The following PFKP variants were observed in gnomAD, a reference collection of about 807,000 sequenced individuals.
PFKP encodes ATP-dependent 6-phosphofructokinase, platelet type.
A neutral mutation model predicts 94.3 loss-of-function variants in PFKP; 101 were observed. The ratio of observed to expected loss-of-function variants is 1.07; its 90% confidence interval spans 0.91 to 1.26. The LOEUF (loss-of-function observed/expected upper bound fraction) is 1.26. PFKP is among the 50% of genes most tolerant of loss of function. The probability of loss-of-function intolerance (pLI) is 0.00; values close to 1 mark genes in which losing one functional copy is unlikely to be tolerated. For missense variants in PFKP, 1,145 were observed against 1,103.3 expected, an observed-to-expected ratio of 1.04 and a Z score of -0.53; for synonymous variants, 573 against 432.6, an observed-to-expected ratio of 1.32 and a Z score of -4.03.
rs78602520 is a variant in PFKP at position 3,123,592 on chromosome 10, C to G, written c.1683+3548C>G. On this transcript the variant is annotated intron_variant, in intron 16 of 21. Coordinates refer to ENST00000381125, the MANE Select transcript of PFKP (RefSeq NM_002627.5). ...GTCACCCACACCGTCTGGCTTCCAG[C>G]GAGCGCTTCTCGGAGAAACAGCCGG... Among the ~76,000 whole-genome samples the G allele has an allele frequency of 3.3e-3, 503 of 152,284 alleles. 2 individuals carry two copies. The highest frequency in any genetic ancestry group is 0.012 in the African/African-American group (484 of 41,550).
chr10:3,122,134 G>C (rs1837495712), intron 16 of PFKP, among the ~76,000 whole-genome samples: 1 of 152,150 alleles, frequency 6.6e-6, no homozygotes, highest in East Asian at 1.9e-4. Context: ...GAAGTTAACT[G>C]ATTACAATGT....
intron 2 of PFKP, among the ~76,000 whole-genome samples, chr10:3,085,820 G>GGAGAGTCCTCCA (rs1564277205): frequency 4.5e-4 from 1 of 2,212 alleles, no homozygotes; most frequent in Non-Finnish European, 1.3e-3. Flanking sequence ...ACAGTCCTCC[G>GGAGAGTCCTCCA]CCCCCTCCCC....
intron 16 of PFKP, among the ~76,000 whole-genome samples, chr10:3,128,308 C>T (rs1490899749): frequency 2.0e-5 from 3 of 152,124 alleles, no homozygotes; most frequent in Non-Finnish European, 2.9e-5. Flanking sequence ...GGAGAGACAC[C>T]GGGATAATTT....
chr10:3,079,952 G>A (rs991521778), intron 1 of PFKP, among the ~76,000 whole-genome samples: 1 of 152,022 alleles, frequency 6.6e-6, no homozygotes, highest in Non-Finnish European at 1.5e-5. Context: ...GAATCAGGTG[G>A]GAGGCTCTGT....
chr10:3,087,306 G>T (rs976776620), intron 2 of PFKP, among the ~76,000 whole-genome samples: 1 of 152,094 alleles, frequency 6.6e-6, no homozygotes, highest in East Asian at 1.9e-4. Context: ...TGTTCTCTCT[G>T]TCTCAGCTGG....
At chr10:3,113,289 G>A (rs1425587966) in intron 12 of PFKP, 83 bp from the exon 13 acceptor site, 20 of 1,572,398 alleles carry the variant, frequency 1.3e-5, no homozygotes, top group Middle Eastern at 1.7e-4. Flanking sequence ...GGCCTGGCAC[G>A]GCATGAGCCA....
intron 19 of PFKP, 150 bp from the exon 20 acceptor site, chr10:3,134,333 A>T: frequency 1.7e-6 from 1 of 597,852 alleles, no homozygotes; most frequent in Non-Finnish European, 3.0e-6. Flanking sequence ...GGCCAAGTTC[A>T]GGCTACGGGA....
intron 16 of PFKP, among the ~76,000 whole-genome samples, chr10:3,121,197 G>T (rs1264965155): frequency 5.9e-5 from 9 of 152,180 alleles, no homozygotes; most frequent in Admixed American, 5.9e-4. Flanking sequence ...GTGTTCACTG[G>T]CTTTGGGGGC....
chr10:3,102,683 C>T (rs189973559), intron 4 of PFKP, among the ~76,000 whole-genome samples: 7 of 152,340 alleles, frequency 4.6e-5, no homozygotes, highest in African/African-American at 9.6e-5. Flanking sequence ...CCACCCGCTT[C>T]GGCCTCCCAA....
intron 16 of PFKP, among the ~76,000 whole-genome samples, chr10:3,125,586 G>A (rs928276717): frequency 6.6e-6 from 1 of 150,398 alleles, no homozygotes; most frequent in African/African-American, 2.5e-5. Context: ...GTGGGAGCCT[G>A]CAGGAAGGGG....
chr10:3,132,718 C>G (rs1273148596), intron 18 of PFKP, among the ~76,000 whole-genome samples: 1 of 152,188 alleles, frequency 6.6e-6, no homozygotes. Flanking sequence ...GAAGGAAATA[C>G]AGTCATCCCT....
intron 4 of PFKP, among the ~76,000 whole-genome samples, chr10:3,102,324 T>C (rs1280992482): frequency 2.0e-5 from 3 of 147,690 alleles, no homozygotes; most frequent in Non-Finnish European, 4.5e-5. Flanking sequence ...TCTCTGCCAA[T>C]ACATCATCCA....
At position 3,116,165 on chromosome 10, in the gene PFKP, A is replaced by G. The variant is rs143283868; in HGVS notation, c.1372-611A>G. Among the ~76,000 whole-genome samples the G allele has an allele frequency of 4.5e-3, 686 of 152,072 alleles. 6 individuals are homozygous for G. The highest frequency in any genetic ancestry group is 0.015 in the African/African-American group (628 of 41,450). On this transcript the variant is annotated intron_variant, in intron 13 of 21. Transcript: ENST00000381125. The stretch of plus-strand genomic sequence containing the variant: ...ATATATATACATACACACCTTGTAC[A>G]GTATTTACCTTTTGATGTAGAATGA...
chr10:3,117,215 G>C (rs2131625881), intron 14 of PFKP, among the ~76,000 whole-genome samples: 1 of 152,324 alleles, frequency 6.6e-6, no homozygotes, highest in South Asian at 2.1e-4. Context: ...CTGGATAGCA[G>C]GTAGCATTGG....
chr10:3,079,722 T>C (rs921758336), intron 1 of PFKP, among the ~76,000 whole-genome samples: 4 of 145,040 alleles, frequency 2.8e-5, no homozygotes, highest in Admixed American at 7.2e-5. Context: ...GTTGTGCTCC[T>C]GCATCACCTG....
At chr10:3,100,056 GGT>G (rs55739223) in intron 3 of PFKP, among the ~76,000 whole-genome samples, 4,409 of 137,572 alleles carry the variant, frequency 0.032, 130 homozygotes, top group East Asian at 0.14. Flanking sequence ...GTAGGTGTGT[GGT>G]GTGTGTGTGT....
intron 3 of PFKP, chr10:3,100,867 A>AAAAAAAAAAAAT: frequency 2.1e-6 from 1 of 470,714 alleles, no homozygotes. Context: ...TGGTGCAAAA[A>AAAAAAAAAAAAT]AAAAAAAAAA....
chr10:3,136,766 T>G lies in PFKP; in HGVS notation c.*187T>G. On this transcript the variant is annotated 3_prime_UTR_variant, in exon 22 of 22. Transcript: ENST00000381125. ...TGTCTCATGCTTTCAGATGTGCATA[T>G]GAGCAGAATTAATTAAACATTTGCC... is the stretch of plus-strand genomic sequence containing the variant. The G allele has an allele frequency of 1.9e-6, 1 of 531,040 alleles. No homozygotes were observed. 32.9% of individuals were successfully genotyped at this position (531,040 alleles called of 1,614,324 possible). A position where few individuals can be genotyped will look rare whatever the true frequency, so the allele number is the denominator to read the frequency against.
At chr10:3,133,005 G>A (rs978402085) in intron 18 of PFKP, among the ~76,000 whole-genome samples, 198 bp from the exon 19 acceptor site, 2 of 152,206 alleles carry the variant, frequency 1.3e-5, no homozygotes, top group African/African-American at 4.8e-5. Context: ...TTTAATATTT[G>A]TGGGCCTCAG....
Sources: allele counts gnomAD v4.1 joint callset (sites outside exome capture counted in the v4.1 genomes callset), GRCh38; gene constraint gnomAD v4.1.1; transcripts MANE v1.5; gene names NCBI Gene and HGNC (gene_info 2026-07-23, HGNC 2026-07-21).